The following ARGLU1 variants were observed in gnomAD, a reference collection of about 807,000 sequenced individuals.
ARGLU1 encodes arginine and glutamate-rich protein 1.
ARGLU1 carries 9 observed loss-of-function variants against 37.6 expected under a neutral mutation model. The ratio of observed to expected loss-of-function variants is 0.24; its 90% confidence interval spans 0.14 to 0.42. ARGLU1 has a LOEUF of 0.42. ARGLU1 is among the 10% of genes least tolerant of loss of function. The probability of loss-of-function intolerance (pLI) is 1.00; values close to 1 mark genes in which losing one functional copy is unlikely to be tolerated. For synonymous variants in ARGLU1, 166 were observed against 138.5 expected, an observed-to-expected ratio of 1.20 and a Z score of -1.39; for missense variants, 211 against 359.2, an observed-to-expected ratio of 0.59 and a Z score of 3.34.
Position 106,559,103 on chromosome 13 carries a change from T to C in ARGLU1, c.573+329A>G, listed in dbSNP as rs1287216129. 2.4e-6 allele frequency: 3 copies of C among 1,252,468 alleles called. No homozygotes were observed. In the African/African-American group the frequency reaches 4.6e-5, roughly 19 times the overall value. The allele number at this position is 1,252,468 out of a possible 1,614,324, so 77.6% of individuals were successfully genotyped here. ...ACAGGTGGATTTTTAACCTTTTCCC[T>C]TTACCACTCCCTGTCTCCCCACCGT... On this transcript the variant is annotated intron_variant, in intron 2 of 3. Transcript: ENST00000400198.
chr13:106,559,048 C>G, intron 2 of ARGLU1: 1 of 1,202,466 alleles, frequency 8.3e-7, no homozygotes, highest in Non-Finnish European at 1.0e-6. Context: ...GTCTAGGTAA[C>G]AGAGTGACAG....
chr13:106,558,334 AGGG>A (rs1311686201), intron 2 of ARGLU1: 1 of 985,154 alleles, frequency 1.0e-6, no homozygotes, highest in Admixed American at 6.1e-5. Flanking sequence ...AGACAGGACA[AGGG>A]AAAATGCATT....
At chr13:106,561,356 T>C (rs1026884841) in intron 1 of ARGLU1, among the ~76,000 whole-genome samples, 6 of 152,028 alleles carry the variant, frequency 3.9e-5, no homozygotes, top group Admixed American at 3.3e-4. Context: ...TGAATCTGGA[T>C]AATGAGTACC....
intron 3 of ARGLU1, among the ~76,000 whole-genome samples, chr13:106,550,246 T>C (rs1173895694): frequency 6.6e-6 from 1 of 152,188 alleles, no homozygotes; most frequent in African/African-American, 2.4e-5. Context: ...ACTGCTACTT[T>C]GGTGATTCAA....
intron 3 of ARGLU1, among the ~76,000 whole-genome samples, chr13:106,549,385 C>A (rs9558786): frequency 0.19 from 29,158 of 152,098 alleles, 3,709 homozygotes; most frequent in East Asian, 0.55. Flanking sequence ...ATTTTAATTC[C>A]TTTATTCATC....
At chr13:106,549,060 C>T (rs1015568174) in intron 3 of ARGLU1, among the ~76,000 whole-genome samples, 2 of 152,182 alleles carry the variant, frequency 1.3e-5, no homozygotes, top group African/African-American at 4.8e-5. Context: ...CTCTGCCCTA[C>T]CGTCTTTACC....
chr13:106,567,751 G>A lies in ARGLU1; in HGVS notation c.169C>T (p.Arg57Cys), dbSNP rs754608343. Residue 57 changes from arginine to cysteine, a missense_variant, in exon 1 of 4, where the codon CGT (arginine) becomes TGT (cysteine). Transcript: ENST00000400198. The surrounding 1 kb of genome is among the most constrained non-coding windows in gnomAD (Gnocchi z 4.3). ...KRNRRRESRS[R>C]SRSTNTAVSR... ...ACGGCCGTGTTGGTGGAGCGCGAAC[G>A]GGACCGCGACTCCCGCCGCCGGTTC... 1.2e-6 allele frequency: 2 copies of A among 1,611,748 alleles called. No homozygotes were observed. Among genetic ancestry groups the A allele is most frequent in the East Asian group, 4.5e-5 (2 of 44,706 alleles).
Position 106,544,119 on chromosome 13 carries a change from A to C in ARGLU1, c.699T>G (p.Ile233Met). Residue 233 changes from isoleucine (I) to methionine (M), a missense_variant, in exon 4 of 4, where the codon ATT (isoleucine) becomes ATG (methionine). This residue lies in a region of ARGLU1 where 80 missense variants were observed against 158.4 expected (regional missense o/e 0.51). Coordinates refer to ENST00000400198, the MANE Select transcript of ARGLU1 (RefSeq NM_018011.4). ...GTTCTAGTTTCATCCTTTCCTCATG[A>C]ATCTTTCTTTGTTCTTCAACAATTC... ...QLRIVEEQRK[I>M]HEERMKLEQE... The C allele has an allele frequency of 6.3e-7, 1 of 1,596,638 alleles. No homozygotes were observed. Among genetic ancestry groups the C allele is most frequent in the Non-Finnish European group, 8.5e-7 (1 of 1,175,234 alleles).
intron 3 of ARGLU1, among the ~76,000 whole-genome samples, chr13:106,550,537 T>C (rs533650316): frequency 6.6e-6 from 1 of 152,342 alleles, no homozygotes; most frequent in East Asian, 1.9e-4. Context: ...CTAAGTATTG[T>C]ACCATTTCAA....
chr13:106,557,280 G>T lies in ARGLU1; in HGVS notation c.574-149C>A. The T allele has an allele frequency of 1.3e-6, 1 of 752,102 alleles. No individual in the cohort carries two copies. Among genetic ancestry groups the T allele is most frequent in the Non-Finnish European group, 2.1e-6 (1 of 479,328 alleles). The allele number at this position is 752,102 out of a possible 1,614,324, so 46.6% of individuals were successfully genotyped here. On this transcript the variant is annotated intron_variant, in intron 2 of 3. Transcript: ENST00000400198. This position sits in a 1 kb window ranked among gnomAD's most constrained non-coding sequence, Gnocchi z 5.0. ...TGTCTGACAAATGATAAACTGTGCA[G>T]TCACTAAAATTGGTTTCTAGCACTA...
At chr13:106,551,580 G>A (rs1880531422) in intron 3 of ARGLU1, among the ~76,000 whole-genome samples, 1 of 152,092 alleles carries the variant, frequency 6.6e-6, no homozygotes, top group South Asian at 2.1e-4. Flanking sequence ...CACATTTTTA[G>A]GTAACATATT....
At chr13:106,547,945 C>T (rs1377937784) in intron 3 of ARGLU1, among the ~76,000 whole-genome samples, 1 of 152,172 alleles carries the variant, frequency 6.6e-6, no homozygotes, top group Non-Finnish European at 1.5e-5. Context: ...CAAGTTTCTT[C>T]ACTTAGGTCT....
intron 1 of ARGLU1, among the ~76,000 whole-genome samples, 167 bp from the exon 2 acceptor site, chr13:106,559,824 T>C (rs1280365352): frequency 2.0e-5 from 3 of 152,242 alleles, no homozygotes; most frequent in Non-Finnish European, 4.4e-5. Flanking sequence ...ACCAAGATGT[T>C]AACTGATACA....
Position 106,554,564 on chromosome 13 carries a change from A to G in ARGLU1, c.657+2484T>C, listed in dbSNP as rs1227877418. On this transcript the variant is annotated intron_variant, in intron 3 of 3. Coordinates refer to ENST00000400198, the MANE Select transcript of ARGLU1 (RefSeq NM_018011.4). ...CAAAGAATACCCTACTTTTCCTGCC[A>G]GCATATGACTACCAACAGAACCAAA... Among the ~76,000 whole-genome samples, 8 of 152,330 alleles carry G rather than the reference A, an allele frequency of 5.3e-5. No individual in the cohort carries two copies. In the East Asian group the frequency reaches 1.4e-3, roughly 26 times the overall value.
intron 3 of ARGLU1, among the ~76,000 whole-genome samples, chr13:106,546,111 C>G (rs369866378): frequency 6.6e-6 from 1 of 152,248 alleles, no homozygotes; most frequent in South Asian, 2.1e-4. Context: ...ATATTCTCTG[C>G]CTAGAGTTTA....
intron 3 of ARGLU1, among the ~76,000 whole-genome samples, chr13:106,551,906 G>A (rs1880540325): frequency 1.3e-5 from 2 of 152,010 alleles, no homozygotes; most frequent in South Asian, 2.1e-4. Context: ...GGCATTTAAG[G>A]CCCACCAGAT....
At chr13:106,565,825 G>C (rs1483576842) in intron 1 of ARGLU1, among the ~76,000 whole-genome samples, 1 of 152,168 alleles carries the variant, frequency 6.6e-6, no homozygotes, top group Non-Finnish European at 1.5e-5. Context: ...TCAAACCAGA[G>C]AACCATATAG....
chr13:106,544,865 A>G (rs1374819931), intron 3 of ARGLU1, among the ~76,000 whole-genome samples: 2 of 152,184 alleles, frequency 1.3e-5, no homozygotes, highest in South Asian at 2.1e-4. Context: ...TGACCTGACT[A>G]ACTATAAAGT....
Position 106,543,963 on chromosome 13 carries a change from A to T in ARGLU1, c.*33T>A. 6.4e-7 allele frequency: 1 copy of T among 1,553,472 alleles called. No individual in the cohort carries two copies. The highest frequency in any genetic ancestry group is 8.6e-7 in the Non-Finnish European group (1 of 1,159,714). On this transcript the variant is annotated 3_prime_UTR_variant, in exon 4 of 4. Coordinates refer to ENST00000400198, the MANE Select transcript of ARGLU1 (RefSeq NM_018011.4). ...TGAAGCTACCATACAAAGTTTTTCC[A>T]TTTTTCTTTGTAAAAAGTTCAGAGT...
Sources: allele counts gnomAD v4.1 joint callset (sites outside exome capture counted in the v4.1 genomes callset), GRCh38; gene constraint gnomAD v4.1.1; regional missense constraint gnomAD v4.1.1; non-coding constraint Gnocchi (gnomAD v3.1); transcripts MANE v1.5; gene names NCBI Gene and HGNC (gene_info 2026-07-23, HGNC 2026-07-21).